The following JPH3 variants were observed in gnomAD, a reference collection of about 807,000 sequenced individuals.
JPH3 encodes the protein junctophilin-3.
JPH3 carries 11 observed loss-of-function variants against 59.6 expected under a neutral mutation model. The observed-to-expected ratio is 0.18, with a 90% CI of 0.12 to 0.31. JPH3 has a LOEUF of 0.31. Ranked by LOEUF, JPH3 falls within the 10% of genes least tolerant of loss-of-function variation. The pLI is 1.00. For missense variants in JPH3, 1,202 were observed against 1,105.7 expected (o/e 1.09, Z -1.24); for synonymous variants, 673 against 483.6 (o/e 1.39, Z -5.14).
intron 1 of JPH3, among the ~76,000 whole-genome samples, chr16:87,616,190 T>TTTGTG (rs3221600): frequency 1.7e-5 from 2 of 116,048 alleles, no homozygotes; most frequent in African/African-American, 7.0e-5. Context: ...CAATCTGGTT[T>TTTGTG]TGTGTGTGTG....
At chr16:87,624,887 C>T (rs1287048629) in intron 1 of JPH3, among the ~76,000 whole-genome samples, 1 of 152,230 alleles carries the variant, frequency 6.6e-6, no homozygotes, top group Non-Finnish European at 1.5e-5. Context: ...GCAACCTCCA[C>T]CTCTCGGGTT....
Position 87,629,226 on chromosome 16 carries a change from A to G in JPH3, c.383-15032A>G, listed in dbSNP as rs369935135. 7.9e-5 allele frequency among the ~76,000 whole-genome samples: 12 copies of G among 152,200 alleles called. No individual in the cohort carries two copies. The East Asian group carries it at 1.2e-3, about 15-fold the overall frequency. The stretch of plus-strand genomic sequence containing the variant: ...AATGCCAGCAGACCGTGTCCTTCAG[A>G]CGCGGCAGCTGGGGTTCCTGACTGC... On this transcript the variant is annotated intron_variant, in intron 1 of 4. Transcript: ENST00000284262.
intron 1 of JPH3, among the ~76,000 whole-genome samples, chr16:87,632,975 C>T (rs1359066608): frequency 6.6e-6 from 1 of 152,186 alleles, no homozygotes; most frequent in East Asian, 1.9e-4. Flanking sequence ...TCAAGCAGTC[C>T]TTCTGCCTCA....
Position 87,690,247 on chromosome 16 carries a change from C to T in JPH3, c.1887C>T (p.Arg629=). 1 of 1,604,876 alleles carries T rather than the reference C, an allele frequency of 6.2e-7. No homozygotes were observed. Among genetic ancestry groups the T allele is most frequent in the Non-Finnish European group, 8.5e-7 (1 of 1,176,232 alleles). The change falls in exon 4 of 5, where the codon CGC becomes CGT. Residue 629 remains arginine (R), a synonymous_variant. Transcript: ENST00000284262. ...TGGAGACGCATCCCCAGAAAAGACGCTACAGCAAGGGCGGCGCCTGCCGGG... is the reference window on the plus strand; with the variant it reads ...TGGAGACGCATCCCCAGAAAAGACGTTACAGCAAGGGCGGCGCCTGCCGGG... ...LRMETHPQKR[R]YSKGGACRGL...
chr16:87,693,880 T>G (rs535165503), intron 4 of JPH3: 1 of 152,208 alleles, frequency 6.6e-6, no homozygotes, highest in African/African-American at 2.4e-5. Flanking sequence ...GATAGGCTCA[T>G]TGGCTGCTCA....
At chr16:87,649,092 T>C (rs775658504) in intron 2 of JPH3, among the ~76,000 whole-genome samples, 1 of 152,142 alleles carries the variant, frequency 6.6e-6, no homozygotes, top group Non-Finnish European at 1.5e-5. Flanking sequence ...AGCTGGTGGT[T>C]CCAGGAGGTT....
chr16:87,614,570 T>C (rs1332582714), intron 1 of JPH3, among the ~76,000 whole-genome samples: 2 of 150,588 alleles, frequency 1.3e-5, no homozygotes, highest in African/African-American at 2.5e-5. Context: ...GGCAGGTCTC[T>C]GTACACGTGT....
chr16:87,656,912 G>A (rs2032521736), intron 2 of JPH3, among the ~76,000 whole-genome samples: 1 of 152,160 alleles, frequency 6.6e-6, no homozygotes, highest in African/African-American at 2.4e-5. Context: ...TTCTCGCTCT[G>A]TTCACGGGGC....
In JPH3 at chr16:87,603,050, C is replaced by G; in HGVS notation, c.-97C>G. On this transcript the variant is annotated 5_prime_UTR_variant, in exon 1 of 5. Coordinates refer to ENST00000284262, the MANE Select transcript of JPH3 (RefSeq NM_020655.4). ...CCGCGTCCTCCTCTCCTCCGGAAAA[C>G]GCTCGCGACCCAGGGCCGCCGGCGG... 2.0e-6 allele frequency: 3 copies of G among 1,512,358 alleles called. No individual in the cohort carries two copies. Among genetic ancestry groups the G allele is most frequent in the South Asian group, 1.2e-5 (1 of 80,564 alleles). 93.7% of individuals were successfully genotyped at this position (1,512,358 alleles called of 1,614,324 possible). A position where few individuals can be genotyped will look rare whatever the true frequency, so the allele number is the denominator to read the frequency against.
chr16:87,696,137 T>C (rs55681758), intron 4 of JPH3: 71,122 of 458,164 alleles, frequency 0.16, 7,535 homozygotes, highest in African/African-American at 0.39. Context: ...TCTGCTGGGC[T>C]GCATCTGACA....
Position 87,684,183 on chromosome 16 carries a change from C to T in JPH3, c.1202C>T (p.Ala401Val), listed in dbSNP as rs748374481. 1.2e-6 allele frequency: 2 copies of T among 1,613,914 alleles called. No homozygotes were observed. Among genetic ancestry groups the T allele is most frequent in the Non-Finnish European group, 1.7e-6 (2 of 1,180,014 alleles). Residue 401 changes from alanine (A) to valine (V), a missense_variant, in exon 3 of 5, where the codon GCA becomes GTA. Coordinates refer to ENST00000284262, the MANE Select transcript of JPH3 (RefSeq NM_020655.4). ...SRAKAEAALT[A>V]AQKAQEEARI... is the part of the protein sequence containing the mutation. ...GCAAAGGCCGAGGCAGCCCTCACAG[C>T]AGCTCAGAAAGCCCAGGAGGAGGCG...
chr16:87,658,266 G>T (rs8058708), intron 2 of JPH3, among the ~76,000 whole-genome samples: 1 of 152,146 alleles, frequency 6.6e-6, no homozygotes, highest in Non-Finnish European at 1.5e-5. Context: ...CAGCTCAGGC[G>T]TCCCGGCAGG....
intron 1 of JPH3, among the ~76,000 whole-genome samples, chr16:87,633,553 G>C (rs1487418188): frequency 6.6e-6 from 1 of 151,928 alleles, no homozygotes; most frequent in Non-Finnish European, 1.5e-5. Context: ...TGTAATTCCA[G>C]TGCTTTGGGA....
rs556008036 is a variant in JPH3 at position 87,652,226 on chromosome 16, C to T, written c.1160+7191C>T. Among the ~76,000 whole-genome samples the T allele has an allele frequency of 7.9e-5, 12 of 152,304 alleles. No individual in the cohort carries two copies. The South Asian group carries it at 2.1e-3, about 26-fold the overall frequency. The stretch of plus-strand genomic sequence containing the variant: ...TCCTGACCTCGAGATCCGCCCACCT[C>T]GGCCTCCCAAAATGCTGGGATTACA... On this transcript the variant is annotated intron_variant, in intron 2 of 4. Transcript: ENST00000284262.
intron 1 of JPH3, among the ~76,000 whole-genome samples, chr16:87,641,474 C>A (rs547262013): frequency 5.9e-5 from 9 of 152,282 alleles, no homozygotes; most frequent in South Asian, 2.1e-4. Context: ...ACATCCTATC[C>A]CCTTGCCTGA....
intron 2 of JPH3, among the ~76,000 whole-genome samples, chr16:87,671,693 C>T (rs1317856597): frequency 6.6e-6 from 1 of 152,022 alleles, no homozygotes; most frequent in Non-Finnish European, 1.5e-5. Flanking sequence ...GTGCTGGGGT[C>T]CCCCACCCCT....
Position 87,658,554 on chromosome 16 carries a change from C to T in JPH3, c.1160+13519C>T, listed in dbSNP as rs1307746506. 2.6e-5 allele frequency among the ~76,000 whole-genome samples: 4 copies of T among 152,102 alleles called. No homozygotes were observed. In the South Asian group the frequency reaches 8.3e-4, roughly 32 times the overall value. On this transcript the variant is annotated intron_variant, in intron 2 of 4. Coordinates refer to ENST00000284262, the MANE Select transcript of JPH3 (RefSeq NM_020655.4). ...TTTTGTTCCCCCTTCTCTCTCTCTC[C>T]CCAACCCCCCTGTTTCTCTATCTCT...
chr16:87,677,440 C>T (rs2033180745), intron 2 of JPH3, among the ~76,000 whole-genome samples: 2 of 152,154 alleles, frequency 1.3e-5, no homozygotes, highest in Admixed American at 1.3e-4. Flanking sequence ...ACTCGCCCAC[C>T]AGGTACCCAT....
At chr16:87,679,372 T>G (rs964295653) in intron 2 of JPH3, among the ~76,000 whole-genome samples, 3 of 152,206 alleles carry the variant, frequency 2.0e-5, no homozygotes, top group Admixed American at 2.0e-4. Context: ...GCAGACCTCC[T>G]GTCTTTAACA....
Sources: gnomAD v4.1 joint callset for allele counts (sites outside exome capture counted in the v4.1 genomes callset) on GRCh38, gnomAD v4.1.1 for gene constraint, MANE v1.5 for transcripts, NCBI Gene and HGNC (gene_info 2026-07-23, HGNC 2026-07-21) for gene names.